Variants in SLC41A2 observed in about 807,000 individuals in gnomAD.
SLC41A2 encodes SLC41A1-like 1.
Under a neutral mutation model 58.3 loss-of-function variants are expected in SLC41A2, and 32 were observed. That is an observed-to-expected ratio of 0.55 (90% CI 0.41 to 0.74). The LOEUF is 0.74. Among genes scored for constraint, SLC41A2 ranks in the 30% least tolerant of loss-of-function variants. The pLI, the probability that SLC41A2 is intolerant of heterozygous loss-of-function variation, is 0.00. For missense variants in SLC41A2, 514 were observed against 680.6 expected, an observed-to-expected ratio of 0.76 and a Z score of 2.72; for synonymous variants, 190 against 235.0, an observed-to-expected ratio of 0.81 and a Z score of 1.75.
At chr12:104,852,667 G>A (rs2029736) in intron 8 of SLC41A2, among the ~76,000 whole-genome samples, 94,704 of 151,896 alleles carry the variant, frequency 0.62, 29,820 homozygotes, top group African/African-American at 0.67. Context: ...AATGAGTGAG[G>A]GACTTCAGAA....
intron 6 of SLC41A2, among the ~76,000 whole-genome samples, chr12:104,879,626 G>A (rs188337089): frequency 3.3e-5 from 5 of 152,200 alleles, no homozygotes; most frequent in South Asian, 2.1e-4. Context: ...TATTATTTCC[G>A]AGGGCTCTAT....
At chr12:104,846,475 A>C (rs189699820) in intron 8 of SLC41A2, among the ~76,000 whole-genome samples, 1 of 152,366 alleles carries the variant, frequency 6.6e-6, no homozygotes, top group East Asian at 1.9e-4. Context: ...CTCCAAGGTA[A>C]GATATGATAC....
At position 104,802,504 on chromosome 12, in the gene SLC41A2, T is replaced by C. The variant is rs1321401408; in HGVS notation, c.*2648A>G. The C allele has an allele frequency of 6.6e-6, 1 of 152,172 alleles. No homozygotes were observed. Among genetic ancestry groups the C allele is most frequent in the African/African-American group, 2.4e-5 (1 of 41,452 alleles). 9.4% of individuals were successfully genotyped at this position (152,172 alleles called of 1,614,324 possible). A position where few individuals can be genotyped will look rare whatever the true frequency, so the allele number is the denominator to read the frequency against. ...CTCCTGTTACATGCCTTTTAGACAT[T>C]TGGTTGCTCTAACCAAGGTTGGGTA... is the stretch of plus-strand genomic sequence containing the variant. On this transcript the variant is annotated 3_prime_UTR_variant, in exon 11 of 11. Transcript: ENST00000258538.
chr12:104,928,946 A>G (rs998409251), intron 1 of SLC41A2, among the ~76,000 whole-genome samples: 1 of 152,188 alleles, frequency 6.6e-6, no homozygotes, highest in African/African-American at 2.4e-5. Flanking sequence ...TGCATACTTT[A>G]TGTGATCAAT....
chr12:104,931,912 T>G (rs2047067506), intron 1 of SLC41A2: 3 of 152,272 alleles, frequency 2.0e-5, no homozygotes, highest in African/African-American at 7.2e-5. Context: ...GGCCAATAAA[T>G]CTTCTTCATT....
intron 8 of SLC41A2, among the ~76,000 whole-genome samples, chr12:104,854,114 A>C (rs73399927): frequency 0.024 from 3,714 of 151,754 alleles, 99 homozygotes; most frequent in East Asian, 0.15. Flanking sequence ...GAGAAAAAAT[A>C]TCACTCATTT....
At chr12:104,947,813 A>G (rs2047788352) in intron 1 of SLC41A2, among the ~76,000 whole-genome samples, 1 of 152,110 alleles carries the variant, frequency 6.6e-6, no homozygotes, top group Non-Finnish European at 1.5e-5. Context: ...TTTAAATATC[A>G]TATCTCATAT....
intron 8 of SLC41A2, among the ~76,000 whole-genome samples, chr12:104,853,914 T>TTATTA (rs2042910944): frequency 4.8e-4 from 14 of 29,236 alleles, no homozygotes; most frequent in Non-Finnish European, 1.2e-3. Context: ...CTGGCTGATT[T>TTATTA]TTTTTTTTTT....
At chr12:104,826,384 A>G (rs1171030985) in intron 10 of SLC41A2, among the ~76,000 whole-genome samples, 6 of 152,200 alleles carry the variant, frequency 3.9e-5, no homozygotes, top group African/African-American at 1.2e-4. Context: ...CAGGCTTTCT[A>G]TACCTTGCAA....
At chr12:104,921,871 T>A (rs1321558820) in intron 2 of SLC41A2, among the ~76,000 whole-genome samples, 1 of 152,088 alleles carries the variant, frequency 6.6e-6, no homozygotes, top group Non-Finnish European at 1.5e-5. Context: ...AGGTCAAAAA[T>A]GGAGGGGGTG....
At chr12:104,846,809 A>G (rs183768009) in intron 8 of SLC41A2, among the ~76,000 whole-genome samples, 43 of 152,296 alleles carry the variant, frequency 2.8e-4, no homozygotes, top group Non-Finnish European at 8.8e-5. Flanking sequence ...GAGGGTAATG[A>G]TAATAACCAT....
intron 6 of SLC41A2, among the ~76,000 whole-genome samples, chr12:104,868,412 A>G (rs932416423): frequency 3.9e-5 from 6 of 152,174 alleles, no homozygotes; most frequent in African/African-American, 7.2e-5. Context: ...CTCAACATTA[A>G]ATCTCTGGAA....
intron 1 of SLC41A2, among the ~76,000 whole-genome samples, chr12:104,953,910 G>A (rs2048050265): frequency 6.6e-6 from 1 of 152,096 alleles, no homozygotes; most frequent in African/African-American, 2.4e-5. Context: ...GCAAGGTGGG[G>A]CAAAAGGAAA....
At chr12:104,937,990 G>A (rs2047349811) in intron 1 of SLC41A2, among the ~76,000 whole-genome samples, 1 of 152,132 alleles carries the variant, frequency 6.6e-6, no homozygotes. Flanking sequence ...CCAAAACTGA[G>A]AGGCATGTGC....
intron 1 of SLC41A2, among the ~76,000 whole-genome samples, chr12:104,947,245 C>T (rs1180818937): frequency 6.3e-4 from 88 of 139,276 alleles, no homozygotes; most frequent in African/African-American, 2.0e-3. Flanking sequence ...ATTCTGTCAC[C>T]GAGGCTGGAG....
chr12:104,824,632 C>T (rs747095567), intron 10 of SLC41A2, among the ~76,000 whole-genome samples: 5 of 152,148 alleles, frequency 3.3e-5, no homozygotes, highest in African/African-American at 9.7e-5. Flanking sequence ...ATTGAGCTAG[C>T]ACAAGCTGCC....
intron 1 of SLC41A2, among the ~76,000 whole-genome samples, chr12:104,933,764 GC>G (rs2047158263): frequency 6.7e-6 from 1 of 149,790 alleles, no homozygotes; most frequent in South Asian, 2.1e-4. Context: ...AATGTCTTTT[GC>G]AGCAACTTGG....
At chr12:104,902,693 C>A (rs745451039) in intron 3 of SLC41A2, among the ~76,000 whole-genome samples, 27 of 152,056 alleles carry the variant, frequency 1.8e-4, no homozygotes, top group Non-Finnish European at 3.2e-4. Flanking sequence ...CGGTGAAAGA[C>A]GTGGGAGAAT....
At chr12:104,954,522 C>T (rs1232166672) in intron 1 of SLC41A2, among the ~76,000 whole-genome samples, 1 of 152,182 alleles carries the variant, frequency 6.6e-6, no homozygotes, top group East Asian at 1.9e-4. Context: ...GCAGAGAAAA[C>T]ATCTGTAGCT....
Sources: allele counts gnomAD v4.1 joint callset (sites outside exome capture counted in the v4.1 genomes callset), GRCh38; gene constraint gnomAD v4.1.1; transcripts MANE v1.5; gene names NCBI Gene and HGNC (gene_info 2026-07-23, HGNC 2026-07-21).